Variants in USH2A observed in about 807,000 individuals in gnomAD.
USH2A encodes Usher syndrome 2A (autosomal recessive, mild).
Under a neutral mutation model 538.9 loss-of-function variants are expected in USH2A, and 443 were observed. The observed-to-expected ratio is 0.82, with a 90% CI of 0.76 to 0.89. The LOEUF (loss-of-function observed/expected upper bound fraction) is 0.89. Among genes scored for constraint, USH2A ranks in the 40% least tolerant of loss-of-function variants. The pLI is 0.00. For missense variants in USH2A, 6,633 were observed against 6,324.8 expected (o/e 1.05, Z -1.65); for synonymous variants, 2,413 against 2,273.5 (o/e 1.06, Z -1.75).
At chr1:216,396,041 T>G (rs1452761165) in intron 3 of USH2A, among the ~76,000 whole-genome samples, 1 of 152,182 alleles carries the variant, frequency 6.6e-6, no homozygotes, top group Non-Finnish European at 1.5e-5. Flanking sequence ...CTTTTCATTG[T>G]CAAGGGGCAG....
Position 216,046,549 on chromosome 1 carries a change from A to G in USH2A, c.6207T>C (p.Ser2069=). Residue 2069 remains serine, a synonymous_variant, in exon 32 of 72, where the codon AGT becomes AGC. Transcript: ENST00000307340. ...GTGGGTTCCAGGAGAGCAGCAAAGA[A>G]CTGGGAAGGGATTTGGCTACTGGTG... ...VQPPVAKSLP[S]SLLLSWNPPK... 6.2e-7 allele frequency: 1 copy of G among 1,613,892 alleles called. No individual in the cohort carries two copies. Among genetic ancestry groups the G allele is most frequent in the Non-Finnish European group, 8.5e-7 (1 of 1,179,822 alleles).
At chr1:215,693,187 C>T (rs1323685948) in intron 61 of USH2A, among the ~76,000 whole-genome samples, 2 of 150,936 alleles carry the variant, frequency 1.3e-5, no homozygotes, top group Non-Finnish European at 2.9e-5. Flanking sequence ...CACTAAGTTG[C>T]CCAGGCTGGT....
At chr1:215,738,161 A>C (rs1660207296) in intron 60 of USH2A, among the ~76,000 whole-genome samples, 1 of 152,112 alleles carries the variant, frequency 6.6e-6, no homozygotes, top group Non-Finnish European at 1.5e-5. Context: ...TGTAGACGTA[A>C]GTGATGAGAT....
At chr1:215,709,136 A>T (rs1411358519) in intron 61 of USH2A, among the ~76,000 whole-genome samples, 1 of 152,190 alleles carries the variant, frequency 6.6e-6, no homozygotes, top group Non-Finnish European at 1.5e-5. Context: ...TTTTGAAATG[A>T]TCAAGAACAC....
At chr1:215,654,115 A>G (rs1292025778) in intron 64 of USH2A, among the ~76,000 whole-genome samples, 2 of 152,220 alleles carry the variant, frequency 1.3e-5, no homozygotes, top group Non-Finnish European at 2.9e-5. Context: ...GATGTTCTTC[A>G]TCTTTGATTT....
chr1:216,027,351 TA>T (rs567098019), intron 32 of USH2A, among the ~76,000 whole-genome samples: 8 of 152,164 alleles, frequency 5.3e-5, no homozygotes, highest in Non-Finnish European at 1.0e-4. Context: ...AGAGGAAACC[TA>T]ACCTATGGAA....
Position 215,900,872 on chromosome 1 carries a change from G to C in USH2A, c.7334C>G (p.Ser2445Cys). ...PDGVLPPRLS[S>C]ATPTSLQVVW... ...AACCTGAAGACTGGTTGGAGTGGCAGATGAAAGCCTGGGAGGCAGCACGCC... is the reference window on the plus strand; with the variant it reads ...AACCTGAAGACTGGTTGGAGTGGCACATGAAAGCCTGGGAGGCAGCACGCC... The change falls in exon 39 of 72, where the codon TCT (serine) becomes TGT (cysteine). Residue 2445 changes from serine to cysteine, a missense_variant. Coordinates refer to ENST00000307340, the MANE Select transcript of USH2A (RefSeq NM_206933.4). 4 of 1,613,702 alleles carry C rather than the reference G, an allele frequency of 2.5e-6. No homozygotes were observed. The highest frequency in any genetic ancestry group is 2.5e-6 in the Non-Finnish European group (3 of 1,179,742).
chr1:215,774,067 C>A (rs186909770), intron 55 of USH2A, among the ~76,000 whole-genome samples: 14 of 152,210 alleles, frequency 9.2e-5, no homozygotes, highest in East Asian at 5.8e-4. Flanking sequence ...TCCTCCCCCC[C>A]ATTGAGCAGC....
At chr1:216,230,893 C>G (rs1231015219) in intron 14 of USH2A, among the ~76,000 whole-genome samples, 10 of 150,414 alleles carry the variant, frequency 6.6e-5, no homozygotes, top group Non-Finnish European at 1.2e-4. Flanking sequence ...CTCTCTCTCT[C>G]TCTCTCACAC....
chr1:216,338,933 G>A (rs929033960), intron 4 of USH2A, among the ~76,000 whole-genome samples: 25 of 151,516 alleles, frequency 1.6e-4, no homozygotes, highest in Non-Finnish European at 3.1e-4. Context: ...AAGGCAAATT[G>A]GTTCAACCAC....
chr1:215,739,454 G>A (rs984871723), intron 60 of USH2A, among the ~76,000 whole-genome samples: 4 of 152,212 alleles, frequency 2.6e-5, no homozygotes, highest in African/African-American at 7.2e-5. Context: ...AACCAACAGA[G>A]TGAAGCCACG....
At chr1:215,781,019 T>C (rs1661619390) in intron 54 of USH2A, among the ~76,000 whole-genome samples, 1 of 152,330 alleles carries the variant, frequency 6.6e-6, no homozygotes, top group Non-Finnish European at 1.5e-5. Flanking sequence ...CTATGAAATG[T>C]CCCTTTCTTT....
At chr1:215,665,504 G>A (rs1657578898) in intron 64 of USH2A, among the ~76,000 whole-genome samples, 1 of 152,166 alleles carries the variant, frequency 6.6e-6, no homozygotes, top group Non-Finnish European at 1.5e-5. Flanking sequence ...AATCCGTGGT[G>A]AGTCTTTGCC....
chr1:215,624,217 T>C lies in USH2A; in HGVS notation c.*1564A>G, dbSNP rs1020174487. The C allele has an allele frequency of 1.3e-5, 2 of 152,192 alleles. No individual in the cohort carries two copies. Among genetic ancestry groups the C allele is most frequent in the Non-Finnish European group, 1.5e-5 (1 of 68,026 alleles). The allele number at this position is 152,192 out of a possible 1,614,324, so 9.4% of individuals were successfully genotyped here. On this transcript the variant is annotated 3_prime_UTR_variant, in exon 72 of 72. Coordinates refer to ENST00000307340, the MANE Select transcript of USH2A (RefSeq NM_206933.4). ...AGTTCTAATAAGGTGGTAGAACTTC[T>C]GCTTAATACTGGCCTGTGCTTTTGA...
chr1:216,302,104 TA>T (rs1333997950), intron 9 of USH2A, among the ~76,000 whole-genome samples: 4 of 152,226 alleles, frequency 2.6e-5, no homozygotes, highest in African/African-American at 9.6e-5. Flanking sequence ...AAGGTAATGT[TA>T]GACAAACTTG....
intron 61 of USH2A, among the ~76,000 whole-genome samples, chr1:215,688,325 A>T (rs1658499252): frequency 6.6e-6 from 1 of 152,126 alleles, no homozygotes; most frequent in African/African-American, 2.4e-5. Context: ...GATGAGCAGG[A>T]GCTAGATGGT....
intron 11 of USH2A, among the ~76,000 whole-genome samples, chr1:216,271,766 T>C (rs2036581503): frequency 6.6e-6 from 1 of 152,124 alleles, no homozygotes; most frequent in Non-Finnish European, 1.5e-5. Context: ...TCTATTGAGA[T>C]GATTACCTGG....
Position 216,271,049 on chromosome 1 carries a change from G to C in USH2A, c.1971+18231C>G, listed in dbSNP as rs547952236. The stretch of plus-strand genomic sequence containing the variant: ...ACTAGCAATTCTAAACAAATTTTGT[G>C]ATACAATACTCTTCCCCACTGAGGT... On this transcript the variant is annotated intron_variant, in intron 11 of 71. Transcript: ENST00000307340. Among the ~76,000 whole-genome samples the C allele has an allele frequency of 7.2e-5, 11 of 152,196 alleles. No individual in the cohort carries two copies. The East Asian group carries it at 1.4e-3, about 19-fold the overall frequency.
chr1:215,732,199 C>A (rs1273737341), intron 60 of USH2A, among the ~76,000 whole-genome samples: 2 of 152,120 alleles, frequency 1.3e-5, no homozygotes, highest in East Asian at 3.9e-4. Context: ...AGGTGATTTA[C>A]AAAATGATTT....
Sources: allele counts gnomAD v4.1 joint callset (sites outside exome capture counted in the v4.1 genomes callset), GRCh38; gene constraint gnomAD v4.1.1; transcripts MANE v1.5; gene names NCBI Gene and HGNC (gene_info 2026-07-23, HGNC 2026-07-21).